MACROD2: variants seen among roughly 807,000 people sequenced by gnomAD.
MACROD2 encodes mono-ADP ribosylhydrolase 2.
Under a neutral mutation model 70.4 loss-of-function variants are expected in MACROD2, and 36 were observed. The observed-to-expected ratio is 0.51, with a 90% CI of 0.39 to 0.68. MACROD2 has a LOEUF of 0.68. Ranked by LOEUF, MACROD2 falls within the 30% of genes least tolerant of loss-of-function variation. MACROD2 has a pLI of 0.00. For missense variants in MACROD2, 496 were observed against 538.4 expected (o/e 0.92, Z 0.78); for synonymous variants, 172 against 178.8 (o/e 0.96, Z 0.30).
intron 3 of MACROD2, among the ~76,000 whole-genome samples, chr20:14,411,945 C>T (rs1431924148): frequency 1.3e-5 from 2 of 152,166 alleles, no homozygotes; most frequent in Non-Finnish European, 2.9e-5. Context: ...TTATTATACA[C>T]AGCAATTAAA....
intron 3 of MACROD2, among the ~76,000 whole-genome samples, chr20:14,170,634 T>C (rs1383429498): frequency 1.3e-5 from 2 of 152,218 alleles, no homozygotes; most frequent in Non-Finnish European, 2.9e-5. Flanking sequence ...TCTTTTTACA[T>C]GGTGTATCAC....
At chr20:14,908,139 T>G (rs1467538277) in intron 5 of MACROD2, among the ~76,000 whole-genome samples, 1 of 151,860 alleles carries the variant, frequency 6.6e-6, no homozygotes, top group Admixed American at 6.6e-5. Context: ...ATGTCAGGAA[T>G]TCGAGACCAG....
intron 8 of MACROD2, among the ~76,000 whole-genome samples, chr20:15,582,718 G>A (rs908936800): frequency 6.6e-6 from 1 of 152,170 alleles, no homozygotes; most frequent in East Asian, 1.9e-4. Context: ...TCTTTTTGCA[G>A]TGTGGAGAAG....
intron 5 of MACROD2, among the ~76,000 whole-genome samples, chr20:14,769,115 G>A (rs2072131251): frequency 6.6e-6 from 1 of 152,138 alleles, no homozygotes; most frequent in Middle Eastern, 3.4e-3. Flanking sequence ...CTTACAAAAA[G>A]AGATATGTTT....
rs149092877 is a variant in MACROD2 at position 15,427,444 on chromosome 20, C to T, written c.541-3961C>T. Among the ~76,000 whole-genome samples, 9 of 152,236 alleles carry T rather than the reference C, an allele frequency of 5.9e-5. No individual in the cohort carries two copies. In the East Asian group the frequency reaches 1.2e-3, roughly 20 times the overall value. The stretch of plus-strand genomic sequence containing the variant: ...CACATAGCTGGATCTAAGAGGGAAG[C>T]GAAAGGGAGTTAGCCCAGATCAGTT... On this transcript the variant is annotated intron_variant, in intron 6 of 17. Coordinates refer to ENST00000684519, the MANE Select transcript of MACROD2 (RefSeq NM_001351661.2).
chr20:15,797,197 T>C (rs2063682005), intron 8 of MACROD2, among the ~76,000 whole-genome samples: 1 of 152,142 alleles, frequency 6.6e-6, no homozygotes, highest in Non-Finnish European at 1.5e-5. Context: ...CACTGCAAGC[T>C]CCGCCTCCCA....
chr20:16,038,735 C>G (rs890995360), intron 15 of MACROD2, among the ~76,000 whole-genome samples: 1 of 151,860 alleles, frequency 6.6e-6, no homozygotes, highest in Non-Finnish European at 1.5e-5. Flanking sequence ...TTTTCAGTGA[C>G]TTGTTCTTGT....
chr20:14,426,903 G>C (rs992149279), intron 3 of MACROD2, among the ~76,000 whole-genome samples: 1 of 152,076 alleles, frequency 6.6e-6, no homozygotes, highest in African/African-American at 2.4e-5. Flanking sequence ...AAAATGAAGA[G>C]GGACATTTAA....
intron 8 of MACROD2, among the ~76,000 whole-genome samples, chr20:15,543,870 G>C (rs2047991100): frequency 6.6e-6 from 1 of 152,190 alleles, no homozygotes; most frequent in Non-Finnish European, 1.5e-5. Context: ...CAGCCTGCCT[G>C]GACATGTTCT....
chr20:14,891,178 C>G (rs1353022278), intron 5 of MACROD2, among the ~76,000 whole-genome samples: 2 of 151,814 alleles, frequency 1.3e-5, no homozygotes, highest in East Asian at 1.9e-4. Flanking sequence ...TTTTTAAACT[C>G]TTGGAAGATT....
At chr20:15,566,113 C>T (rs371745424) in intron 8 of MACROD2, among the ~76,000 whole-genome samples, 1 of 152,264 alleles carries the variant, frequency 6.6e-6, no homozygotes, top group South Asian at 2.1e-4. Context: ...AAAGCTGTTA[C>T]CATACCCAAG....
chr20:14,042,647 G>A (rs535316167), intron 2 of MACROD2, among the ~76,000 whole-genome samples: 9 of 152,234 alleles, frequency 5.9e-5, no homozygotes, highest in East Asian at 3.9e-4. Context: ...ATACAAGTAC[G>A]TGCCATCATG....
Position 15,208,879 on chromosome 20 carries a change from G to A in MACROD2, c.419-21061G>A, listed in dbSNP as rs906561094. Among the ~76,000 whole-genome samples the A allele has an allele frequency of 7.2e-5, 11 of 152,170 alleles. 1 individual carries two copies. The highest frequency in any genetic ancestry group is 1.2e-4 in the African/African-American group (5 of 41,430). On this transcript the variant is annotated intron_variant, in intron 5 of 17. Coordinates refer to ENST00000684519, the MANE Select transcript of MACROD2 (RefSeq NM_001351661.2). ...ATGGGGAGGGGGGTTGTTACCACCA[G>A]CAAGGGCTGAAATTGGCTTCCTAAC...
At chr20:15,635,166 G>A (rs1011966208) in intron 8 of MACROD2, among the ~76,000 whole-genome samples, 3 of 152,162 alleles carry the variant, frequency 2.0e-5, no homozygotes, top group Admixed American at 1.3e-4. Flanking sequence ...TGAAATACCA[G>A]GTTTCTGTTT....
intron 6 of MACROD2, among the ~76,000 whole-genome samples, chr20:15,323,846 C>G (rs2077898287): frequency 6.6e-6 from 1 of 152,176 alleles, no homozygotes; most frequent in Non-Finnish European, 1.5e-5. Flanking sequence ...CCTTTACCCT[C>G]ACCCCAGGCT....
rs1284103300 is a variant in MACROD2 at position 15,409,713 on chromosome 20, T to A, written c.541-21692T>A. On this transcript the variant is annotated intron_variant, in intron 6 of 17. Coordinates refer to ENST00000684519, the MANE Select transcript of MACROD2 (RefSeq NM_001351661.2). Reference sequence around the variant, plus strand: ...AACAAGTTCCTAGAGGAGGGCTCCATCCCCTTGGGATTCTTCTGATGGACT... The same window carrying A: ...AACAAGTTCCTAGAGGAGGGCTCCAACCCCTTGGGATTCTTCTGATGGACT... Among the ~76,000 whole-genome samples the A allele has an allele frequency of 3.9e-5, 6 of 152,196 alleles. No homozygotes were observed. The South Asian group carries it at 1.0e-3, about 26-fold the overall frequency.
chr20:15,630,111 T>C (rs1271181016), intron 8 of MACROD2, among the ~76,000 whole-genome samples: 1 of 152,174 alleles, frequency 6.6e-6, no homozygotes, highest in Non-Finnish European at 1.5e-5. Flanking sequence ...ATAGAGGAGA[T>C]AGTAGTATCT....
intron 8 of MACROD2, among the ~76,000 whole-genome samples, chr20:15,802,829 T>G (rs1051680634): frequency 6.6e-6 from 1 of 151,658 alleles, no homozygotes; most frequent in Non-Finnish European, 1.5e-5. Flanking sequence ...AAATGAAAAA[T>G]GAGACGTTAC....
intron 6 of MACROD2, among the ~76,000 whole-genome samples, chr20:15,303,404 C>G (rs2077665673): frequency 6.6e-6 from 1 of 152,132 alleles, no homozygotes; most frequent in African/African-American, 2.4e-5. Flanking sequence ...ACCCTTTTCT[C>G]CAAGACCTAT....
Sources: gnomAD v4.1 joint callset for allele counts (sites outside exome capture counted in the v4.1 genomes callset) on GRCh38, gnomAD v4.1.1 for gene constraint, MANE v1.5 for transcripts, NCBI Gene and HGNC (gene_info 2026-07-23, HGNC 2026-07-21) for gene names.